KCNIP4: variants seen among roughly 807,000 people sequenced by gnomAD.
KCNIP4 encodes the protein potassium voltage-gated channel interacting protein 4.
KCNIP4 carries 12 observed loss-of-function variants against 34.0 expected under a neutral mutation model. The observed-to-expected ratio is 0.35, with a 90% CI of 0.23 to 0.57. The LOEUF is 0.57. KCNIP4 is among the 20% of genes least tolerant of loss of function. KCNIP4 has a pLI of 0.83. For missense variants in KCNIP4, 238 were observed against 311.7 expected, an observed-to-expected ratio of 0.76 and a Z score of 1.78; for synonymous variants, 124 against 102.2, an observed-to-expected ratio of 1.21 and a Z score of -1.29.
At chr4:21,518,618 T>C (rs192560913) in intron 1 of KCNIP4, among the ~76,000 whole-genome samples, 2 of 152,114 alleles carry the variant, frequency 1.3e-5, no homozygotes, top group East Asian at 1.9e-4. Flanking sequence ...CGGATGAAAA[T>C]ATCCCTACGC....
intron 1 of KCNIP4, among the ~76,000 whole-genome samples, chr4:21,439,251 T>C (rs1236944436): frequency 6.6e-6 from 1 of 151,944 alleles, no homozygotes; most frequent in Non-Finnish European, 1.5e-5. Context: ...GTCTCTCCTA[T>C]GATGTGGGAA....
At chr4:20,963,555 T>C (rs78002779) in intron 1 of KCNIP4, among the ~76,000 whole-genome samples, 2,544 of 151,994 alleles carry the variant, frequency 0.017, 69 homozygotes, top group African/African-American at 0.057. Context: ...ATGTGTACTA[T>C]GGATTAAAAA....
At chr4:21,773,755 T>TTTTTTTTTTTTTTTGTTTTTTTTTG (rs377403469) in intron 1 of KCNIP4, among the ~76,000 whole-genome samples, 1 of 137,868 alleles carries the variant, frequency 7.3e-6, no homozygotes, top group African/African-American at 3.4e-5. Context: ...GTTTTTTTTT[T>TTTTTTTTTTTTTTTGTTTTTTTTTG]TTTGTTTGTT....
intron 1 of KCNIP4, among the ~76,000 whole-genome samples, chr4:21,927,613 C>A (rs1261945965): frequency 6.6e-6 from 1 of 152,146 alleles, no homozygotes; most frequent in Non-Finnish European, 1.5e-5. Context: ...CAACAAATTT[C>A]AACATAGTGT....
intron 1 of KCNIP4, among the ~76,000 whole-genome samples, chr4:21,192,920 T>A (rs62295280): frequency 0.042 from 2,301 of 55,302 alleles, 53 homozygotes; most frequent in African/African-American, 0.16. Context: ...CCGTCTCTAC[T>A]ACTACTACTA....
At chr4:21,109,912 G>GA (rs35249066) in intron 1 of KCNIP4, among the ~76,000 whole-genome samples, 14,928 of 151,990 alleles carry the variant, frequency 0.098, 980 homozygotes, top group East Asian at 0.17. Context: ...AATTTTCAAA[G>GA]AAAAAATGTA....
chr4:21,425,969 C>T (rs1170207378), intron 1 of KCNIP4, among the ~76,000 whole-genome samples: 1 of 151,956 alleles, frequency 6.6e-6, no homozygotes, highest in Admixed American at 6.6e-5. Flanking sequence ...TGGGAGGATC[C>T]TTTGAGCAGG....
chr4:20,850,704 C>T, intron 2 of KCNIP4, 37 bp from the exon 3 acceptor site: 1 of 1,602,202 alleles, frequency 6.2e-7, no homozygotes, highest in Non-Finnish European at 8.5e-7. Context: ...TAGGACCAGC[C>T]ACTGCTCACC....
At chr4:21,392,417 T>C (rs1285272627) in intron 1 of KCNIP4, among the ~76,000 whole-genome samples, 1 of 152,208 alleles carries the variant, frequency 6.6e-6, no homozygotes, top group Non-Finnish European at 1.5e-5. Flanking sequence ...AGATTCTGTT[T>C]TAAATTGCAA....
At chr4:20,985,041 C>G (rs1361945809) in intron 1 of KCNIP4, among the ~76,000 whole-genome samples, 1 of 152,154 alleles carries the variant, frequency 6.6e-6, no homozygotes. Flanking sequence ...CTGGCTGAAT[C>G]ACTTTGTTGG....
chr4:21,789,447 T>C (rs1337849888), intron 1 of KCNIP4, among the ~76,000 whole-genome samples: 1 of 152,174 alleles, frequency 6.6e-6, no homozygotes, highest in East Asian at 1.9e-4. Context: ...ACCTACACAG[T>C]TATTCTAAGG....
intron 1 of KCNIP4, among the ~76,000 whole-genome samples, chr4:21,719,250 A>G (rs758182011): frequency 2.0e-5 from 3 of 152,186 alleles, no homozygotes; most frequent in Non-Finnish European, 4.4e-5. Flanking sequence ...ATTATATCAG[A>G]CACCCAGGAA....
intron 3 of KCNIP4, among the ~76,000 whole-genome samples, chr4:20,810,460 G>T (rs1715596615): frequency 9.7e-6 from 1 of 103,562 alleles, no homozygotes; most frequent in Non-Finnish European, 2.1e-5. Context: ...GGGGGAGGAA[G>T]GGGGGAGAGA....
At chr4:21,363,446 G>A (rs1402766636) in intron 1 of KCNIP4, among the ~76,000 whole-genome samples, 2 of 152,124 alleles carry the variant, frequency 1.3e-5, no homozygotes. Flanking sequence ...AGTGAACCAG[G>A]AGTGTTTGAA....
chr4:21,581,094 G>T lies in KCNIP4; in HGVS notation c.61+367477C>A, dbSNP rs116609460. On this transcript the variant is annotated intron_variant, in intron 1 of 8. Transcript: ENST00000382152. ...TAAGTATAGCCTTGCAAAGGAAATA[G>T]TATCTATTTCTGAAAGGTTTAGGTG... Among the ~76,000 whole-genome samples the T allele has an allele frequency of 2.8e-3, 425 of 152,122 alleles. 2 individuals carry two copies. The highest frequency in any genetic ancestry group is 9.7e-3 in the African/African-American group (404 of 41,546).
chr4:21,736,938 T>C (rs1716031910), intron 1 of KCNIP4, among the ~76,000 whole-genome samples: 1 of 152,196 alleles, frequency 6.6e-6, no homozygotes, highest in African/African-American at 2.4e-5. Context: ...TAAGATTGTA[T>C]CTTAGACTCC....
At chr4:21,425,711 GA>G (rs1418386230) in intron 1 of KCNIP4, among the ~76,000 whole-genome samples, 2 of 152,104 alleles carry the variant, frequency 1.3e-5, no homozygotes, top group East Asian at 3.8e-4. Flanking sequence ...AAACTCTTGT[GA>G]ATGTCAAACA....
At chr4:21,593,315 G>T (rs928704772) in intron 1 of KCNIP4, among the ~76,000 whole-genome samples, 15 of 152,058 alleles carry the variant, frequency 9.9e-5, no homozygotes, top group African/African-American at 3.4e-4. Context: ...CCCTAAAATT[G>T]CAGGAATTAA....
intron 1 of KCNIP4, among the ~76,000 whole-genome samples, chr4:21,153,513 G>C (rs921211997): frequency 3.3e-5 from 2 of 61,492 alleles, no homozygotes. Context: ...ATATGTGTGT[G>C]TGTATATATA....
Sources: allele counts gnomAD v4.1 joint callset (sites outside exome capture counted in the v4.1 genomes callset), GRCh38; gene constraint gnomAD v4.1.1; transcripts MANE v1.5; gene names NCBI Gene and HGNC (gene_info 2026-07-23, HGNC 2026-07-21).